MAGI1: variants seen among roughly 807,000 people sequenced by gnomAD.
The protein encoded by MAGI1 is membrane associated guanylate kinase, WW and PDZ domain containing 1, also known as membrane-associated guanylate kinase, WW and PDZ domain-containing protein 1.
A neutral mutation model predicts 139.9 loss-of-function variants in MAGI1; 58 were observed. The observed-to-expected ratio is 0.41, with a 90% confidence interval of 0.34 to 0.52. The LOEUF (loss-of-function observed/expected upper bound fraction) is 0.52, where lower values mean the gene tolerates loss of function less well. Ranked by LOEUF, MAGI1 falls within the 20% of genes least tolerant of loss-of-function variation. The pLI is 0.12. For synonymous variants in MAGI1, 812 were observed against 737.9 expected (o/e 1.10, Z -1.63); for missense variants, 1,874 against 1,901.6 (o/e 0.99, Z 0.27).
intron 2 of MAGI1, among the ~76,000 whole-genome samples, chr3:65,516,468 T>C (rs1340697945): frequency 6.6e-6 from 1 of 151,680 alleles, no homozygotes; most frequent in African/African-American, 2.4e-5. Context: ...TGAGCCACCG[T>C]GCCTGGCCGA....
intron 13 of MAGI1, among the ~76,000 whole-genome samples, chr3:65,398,480 C>G (rs529773625): frequency 6.6e-6 from 1 of 151,862 alleles, no homozygotes; most frequent in South Asian, 2.1e-4. Flanking sequence ...GCCTTGATGA[C>G]AAAGTGAGAC....
chr3:65,950,067 C>CAAAAAAAAAAAAAAAAAAAAAAAA (rs61696952), intron 1 of MAGI1, among the ~76,000 whole-genome samples: 4 of 76,716 alleles, frequency 5.2e-5, no homozygotes, highest in Admixed American at 1.9e-4. Context: ...AACAAAAAAA[C>CAAAAAAAAAAAAAAAAAAAAAAAA]AAAAAAAAAA....
intron 4 of MAGI1, among the ~76,000 whole-genome samples, chr3:65,474,095 A>G (rs1236680048): frequency 2.0e-5 from 3 of 152,278 alleles, no homozygotes; most frequent in South Asian, 2.1e-4. Context: ...GTGAGACCAC[A>G]TATCTACAAA....
chr3:65,730,246 C>A (rs2034051301), intron 1 of MAGI1, among the ~76,000 whole-genome samples: 1 of 152,120 alleles, frequency 6.6e-6, no homozygotes, highest in Non-Finnish European at 1.5e-5. Context: ...ATTTATCTCA[C>A]AAAATCTGGA....
chr3:65,994,321 G>T (rs1192529680), intron 1 of MAGI1, among the ~76,000 whole-genome samples: 1 of 150,154 alleles, frequency 6.7e-6, no homozygotes, highest in Non-Finnish European at 1.5e-5. Flanking sequence ...ATGAAAGTGA[G>T]TGGTTCCAAG....
At chr3:65,703,420 T>G (rs986991617) in intron 1 of MAGI1, among the ~76,000 whole-genome samples, 1 of 152,232 alleles carries the variant, frequency 6.6e-6, no homozygotes, top group Non-Finnish European at 1.5e-5. Context: ...TAAGAATATT[T>G]AAATATACTC....
At chr3:65,689,269 G>C (rs1487647184) in intron 1 of MAGI1, among the ~76,000 whole-genome samples, 1 of 152,134 alleles carries the variant, frequency 6.6e-6, no homozygotes, top group Non-Finnish European at 1.5e-5. Context: ...AGTAAGTTCT[G>C]TTTTGAACCA....
intron 1 of MAGI1, chr3:65,874,433 A>T (rs1000870097): frequency 1.3e-5 from 2 of 152,258 alleles, no homozygotes; most frequent in Non-Finnish European, 2.9e-5. Flanking sequence ...TAAAAGACAT[A>T]TAACACTATT....
chr3:65,645,401 C>A (rs975591987), intron 1 of MAGI1, among the ~76,000 whole-genome samples: 1 of 152,026 alleles, frequency 6.6e-6, no homozygotes, highest in Non-Finnish European at 1.5e-5. Flanking sequence ...TTTTTCAAGT[C>A]CTAGAAGAAA....
chr3:65,685,080 T>C (rs2087909246), intron 1 of MAGI1, among the ~76,000 whole-genome samples: 1 of 151,754 alleles, frequency 6.6e-6, no homozygotes, highest in Non-Finnish European at 1.5e-5. Context: ...TCGGAAATTA[T>C]ACCACTGGAG....
At chr3:65,666,692 A>C (rs956356716) in intron 1 of MAGI1, among the ~76,000 whole-genome samples, 9 of 152,140 alleles carry the variant, frequency 5.9e-5, no homozygotes, top group African/African-American at 1.9e-4. Flanking sequence ...GTGTTATTTT[A>C]TTATCCTGCT....
intron 1 of MAGI1, among the ~76,000 whole-genome samples, chr3:65,867,340 C>T (rs2059764374): frequency 6.6e-6 from 1 of 152,192 alleles, no homozygotes; most frequent in African/African-American, 2.4e-5. Flanking sequence ...TTGGCAGCAG[C>T]ATTTTCTGAA....
chr3:65,736,482 A>G (rs918308209), intron 1 of MAGI1, among the ~76,000 whole-genome samples: 2 of 152,192 alleles, frequency 1.3e-5, no homozygotes, highest in Non-Finnish European at 2.9e-5. Context: ...TGCTGTCTGC[A>G]AGCTAAAGAA....
Position 65,712,066 on chromosome 3 carries a change from T to C in MAGI1, c.314-89978A>G, listed in dbSNP as rs186833424. Reference sequence around the variant, plus strand: ...TTTCTCCAAAGTGCCTAGCAAATGGTTGGCTCTTGTGATGGTTTAAAAACA... The same window carrying C: ...TTTCTCCAAAGTGCCTAGCAAATGGCTGGCTCTTGTGATGGTTTAAAAACA... On this transcript the variant is annotated intron_variant, in intron 1 of 22. Transcript: ENST00000402939. 1.4e-3 allele frequency among the ~76,000 whole-genome samples: 206 copies of C among 152,256 alleles called. 1 individual carries two copies. The highest frequency in any genetic ancestry group is 1.9e-3 in the Non-Finnish European group (127 of 68,012).
At chr3:65,401,385 C>A (rs993688946) in intron 13 of MAGI1, 54 bp downstream of exon 13, 11 of 1,507,582 alleles carry the variant, frequency 7.3e-6, no homozygotes, top group Middle Eastern at 4.4e-4. Flanking sequence ...CACCTCCAGC[C>A]CCCCACCATC....
intron 7 of MAGI1, among the ~76,000 whole-genome samples, chr3:65,444,954 A>G (rs761219711): frequency 6.6e-6 from 1 of 152,238 alleles, no homozygotes; most frequent in Non-Finnish European, 1.5e-5. Flanking sequence ...ATCGATTTTA[A>G]ATAGGAAGAT....
At chr3:65,452,021 T>A (rs1234600695) in intron 6 of MAGI1, among the ~76,000 whole-genome samples, 1 of 152,154 alleles carries the variant, frequency 6.6e-6, no homozygotes, top group Non-Finnish European at 1.5e-5. Flanking sequence ...TTAAACAGAA[T>A]ACTGAAATAA....
At chr3:65,420,124 G>A (rs1946537729) in intron 12 of MAGI1, among the ~76,000 whole-genome samples, 1 of 151,814 alleles carries the variant, frequency 6.6e-6, no homozygotes, top group African/African-American at 2.4e-5. Context: ...TATGCCACAG[G>A]GACTATCTGA....
At chr3:66,018,230 C>A (rs558529401) in intron 1 of MAGI1, among the ~76,000 whole-genome samples, 1 of 152,094 alleles carries the variant, frequency 6.6e-6, no homozygotes, top group Admixed American at 6.6e-5. Flanking sequence ...CAGGAGCAGC[C>A]CCTGCATATT....
Sources: allele counts gnomAD v4.1 joint callset (sites outside exome capture counted in the v4.1 genomes callset), GRCh38; gene constraint gnomAD v4.1.1; transcripts MANE v1.5; gene names NCBI Gene and HGNC (gene_info 2026-07-23, HGNC 2026-07-21).